Variants in CDK19 observed in about 807,000 individuals in gnomAD.
CDK19 encodes the protein cyclin-dependent kinase 19.
In CDK19, 20 loss-of-function variants were observed where a neutral mutation model predicts 68.3. The ratio of observed to expected loss-of-function variants is 0.29; its 90% CI spans 0.21 to 0.43. The LOEUF (loss-of-function observed/expected upper bound fraction) is 0.43, where lower values mean the gene tolerates loss of function less well. CDK19 is among the 20% of genes least tolerant of loss of function. The probability of loss-of-function intolerance (pLI) is 1.00; values close to 1 mark genes in which losing one functional copy is unlikely to be tolerated. For synonymous variants in CDK19, 221 were observed against 222.8 expected (o/e 0.99, Z 0.07); for missense variants, 339 against 623.5 (o/e 0.54, Z 4.86).
At chr6:110,715,856 T>C (rs1468487570) in intron 2 of CDK19, among the ~76,000 whole-genome samples, 1 of 152,222 alleles carries the variant, frequency 6.6e-6, no homozygotes, top group African/African-American at 2.4e-5. Flanking sequence ...GCAGTTTGCA[T>C]TTCAAAACAT....
chr6:110,643,719 A>T (rs914193491), intron 4 of CDK19, among the ~76,000 whole-genome samples: 3 of 152,174 alleles, frequency 2.0e-5, no homozygotes, highest in African/African-American at 4.8e-5. Flanking sequence ...AAGAGCAGTG[A>T]ATGTTTGGTG....
At chr6:110,730,843 T>C (rs1776692797) in intron 2 of CDK19, among the ~76,000 whole-genome samples, 1 of 152,130 alleles carries the variant, frequency 6.6e-6, no homozygotes, top group African/African-American at 2.4e-5. Flanking sequence ...CCTGAGGTCA[T>C]GAGTTCGAGG....
chr6:110,644,291 C>CA lies in CDK19; in HGVS notation c.457-5586dup, dbSNP rs1282326460. On this transcript the variant is annotated intron_variant, in intron 4 of 12. Transcript: ENST00000368911. ...TGGGTGACAGAGCGAGACTTCATCTCAAAAAAAAAAAAAAATTAAAAAAAT... is the reference window on the plus strand; with the variant it reads ...TGGGTGACAGAGCGAGACTTCATCTCAAAAAAAAAAAAAAAATTAAAAAAAT... Among the ~76,000 whole-genome samples, 565 of 94,214 alleles carry CA rather than the reference C, an allele frequency of 6.0e-3. 3 individuals are homozygous for CA. Among genetic ancestry groups the CA allele is most frequent in the African/African-American group, 0.014 (347 of 24,388 alleles). The allele number at this position is 94,214 out of a possible 152,430, so 61.8% of individuals were successfully genotyped here. A position where few individuals can be genotyped will look rare whatever the true frequency, so the allele number is the denominator to read the frequency against.
At chr6:110,672,711 CTTTG>C (rs550410361) in intron 2 of CDK19, among the ~76,000 whole-genome samples, 53 of 152,114 alleles carry the variant, frequency 3.5e-4, no homozygotes, top group South Asian at 1.5e-3. Context: ...CTGTTCTGCA[CTTTG>C]TTTGTTTTCT....
At chr6:110,626,880 A>C (rs781618157) in intron 7 of CDK19, 35 bp from the exon 8 acceptor site, 1 of 1,410,656 alleles carries the variant, frequency 7.1e-7, no homozygotes, top group Non-Finnish European at 9.7e-7. Flanking sequence ...ATAGAAAATA[A>C]TGTGTTAATT....
intron 1 of CDK19, among the ~76,000 whole-genome samples, chr6:110,787,331 G>C (rs1781292387): frequency 6.6e-6 from 1 of 152,248 alleles, no homozygotes. Flanking sequence ...TGGAGATTGT[G>C]CCACTGCATT....
intron 1 of CDK19, among the ~76,000 whole-genome samples, chr6:110,798,577 A>G (rs892345970): frequency 6.7e-6 from 1 of 149,000 alleles, no homozygotes; most frequent in Non-Finnish European, 1.5e-5. Flanking sequence ...GTGAGCCAAG[A>G]TCGCGACATC....
intron 1 of CDK19, among the ~76,000 whole-genome samples, chr6:110,787,445 GT>G: frequency 6.6e-6 from 1 of 151,542 alleles, no homozygotes; most frequent in Admixed American, 6.6e-5. Context: ...GTTTTGTTTT[GT>G]TTTTTTGTTT....
intron 2 of CDK19, among the ~76,000 whole-genome samples, chr6:110,713,242 G>T (rs1276635692): frequency 6.7e-6 from 1 of 148,872 alleles, no homozygotes; most frequent in Non-Finnish European, 1.5e-5. Flanking sequence ...AAAATACCCT[G>T]CATGAGACTA....
rs534511300 is a variant in CDK19 at position 110,793,512 on chromosome 6, G to A, written c.128+21497C>T. Among the ~76,000 whole-genome samples the A allele has an allele frequency of 2.6e-5, 4 of 152,322 alleles. No homozygotes were observed. In the South Asian group the frequency reaches 8.3e-4, roughly 32 times the overall value. On this transcript the variant is annotated intron_variant, in intron 1 of 12. Transcript: ENST00000368911. ...TGATTATGAAAAGTCTTTACACAGT[G>A]TGGGAGACAGTTATAGTTCATAAAT... is the stretch of plus-strand genomic sequence containing the variant.
At position 110,668,648 on chromosome 6, in the gene CDK19, C is replaced by G. The variant is rs567868666; in HGVS notation, c.316-1074G>C. On this transcript the variant is annotated intron_variant, in intron 3 of 12. Coordinates refer to ENST00000368911, the MANE Select transcript of CDK19 (RefSeq NM_015076.5). ...AGGAGTTCAAGGCCAGCCTGACCAA[C>G]ACGGTGAAACCCCGTCTCTACTAAA... 5.3e-5 allele frequency among the ~76,000 whole-genome samples: 8 copies of G among 152,190 alleles called. No individual in the cohort carries two copies. In the South Asian group the frequency reaches 1.5e-3, roughly 28 times the overall value.
At chr6:110,760,559 C>T (rs1358502514) in intron 1 of CDK19, among the ~76,000 whole-genome samples, 1 of 151,822 alleles carries the variant, frequency 6.6e-6, no homozygotes, top group Admixed American at 6.6e-5. Flanking sequence ...GAGACCCTGT[C>T]GCTACAAAAA....
rs144934075 is a variant in CDK19 at position 110,667,499 on chromosome 6, A to G, written c.391T>C (p.Leu131=). ...ATACCATCAAGAATCTGGTAAAGTA[A>G]GGATTTAACCATAGATCTTGGCAAC... ...MQLPRSMVKS[L]LYQILDGIHY... Residue 131 remains leucine, a synonymous_variant, in exon 4 of 13, where the codon TTA becomes CTA. Coordinates refer to ENST00000368911, the MANE Select transcript of CDK19 (RefSeq NM_015076.5). 1.9e-5 allele frequency: 31 copies of G among 1,595,810 alleles called. No individual in the cohort carries two copies. In the East Asian group the frequency reaches 6.8e-4, roughly 35 times the overall value.
At position 110,622,111 on chromosome 6, in the gene CDK19, C is replaced by A; in HGVS notation, c.1087G>T (p.Asp363Tyr). The A allele has an allele frequency of 6.2e-7, 1 of 1,611,852 alleles. No homozygotes were observed. Among genetic ancestry groups the A allele is most frequent in the East Asian group, 2.2e-5 (1 of 44,842 alleles). The change falls in exon 11 of 13, where the codon GAT (aspartate) becomes TAT (tyrosine). Residue 363 changes from aspartate (D) to tyrosine (Y), a missense_variant. This residue lies in a region of CDK19 where 155 missense variants were observed against 222.7 expected (regional missense o/e 0.70). Transcript: ENST00000368911. ...ACCTTGTCACCTTTTTCTTCAGGATCATCTTCATTAAGGAATTCTCGTTTG... is the reference window on the plus strand; with the variant it reads ...ACCTTGTCACCTTTTTCTTCAGGATAATCTTCATTAAGGAATTCTCGTTTG... ...YPKREFLNED[D>Y]PEEKGDKNQQ...
intron 2 of CDK19, among the ~76,000 whole-genome samples, chr6:110,695,119 GAAAGGGT>G (rs538198544): frequency 2.0e-5 from 3 of 151,394 alleles, no homozygotes; most frequent in East Asian, 1.9e-4. Context: ...AAGGAAAGGA[GAAAGGGT>G]AAAGGGGAAA....
chr6:110,709,006 G>A (rs1048220219), intron 2 of CDK19, among the ~76,000 whole-genome samples: 2 of 152,124 alleles, frequency 1.3e-5, no homozygotes, highest in Non-Finnish European at 2.9e-5. Flanking sequence ...TCATCCTTGG[G>A]ATGCAAGGCT....
intron 1 of CDK19, among the ~76,000 whole-genome samples, chr6:110,781,422 G>A (rs939927507): frequency 1.3e-5 from 2 of 152,172 alleles, no homozygotes; most frequent in Non-Finnish European, 2.9e-5. Flanking sequence ...ACACTTCCCA[G>A]TTAGCCCCAC....
chr6:110,662,344 A>C (rs920121803), intron 4 of CDK19, among the ~76,000 whole-genome samples: 3 of 152,122 alleles, frequency 2.0e-5, no homozygotes, highest in East Asian at 1.9e-4. Context: ...CATTCAATAA[A>C]GACTTCGTGC....
rs369340047 is a variant in CDK19, at chr6:110,806,592, G to GT, written c.128+8416dup. ...AGCAAGACTGGAGACAGCCAATGAT[G>GT]TAAGTCAATACAATGAGATACAACA... is the stretch of plus-strand genomic sequence containing the variant. On this transcript the variant is annotated intron_variant, in intron 1 of 12. Coordinates refer to ENST00000368911, the MANE Select transcript of CDK19 (RefSeq NM_015076.5). Among the ~76,000 whole-genome samples the GT allele has an allele frequency of 4.0e-3, 603 of 152,268 alleles. 3 individuals are homozygous for GT. Among genetic ancestry groups the GT allele is most frequent in the African/African-American group, 0.013 (533 of 41,550 alleles).
Sources: gnomAD v4.1 joint callset for allele counts (sites outside exome capture counted in the v4.1 genomes callset) on GRCh38, gnomAD v4.1.1 for gene constraint, gnomAD v4.1.1 regional missense constraint, MANE v1.5 for transcripts, NCBI Gene and HGNC (gene_info 2026-07-23, HGNC 2026-07-21) for gene names.